DOCK1: variants seen among roughly 807,000 people sequenced by gnomAD.
DOCK1 encodes the protein dedicator of cytokinesis protein 1.
In DOCK1, 138 loss-of-function variants were observed where a neutral mutation model predicts 262.7. The observed-to-expected ratio is 0.53, with a 90% CI of 0.46 to 0.61. The LOEUF (loss-of-function observed/expected upper bound fraction) is 0.61, where lower values mean the gene tolerates loss of function less well. DOCK1 is among the 20% of genes least tolerant of loss of function. The pLI is 0.00. For synonymous variants in DOCK1, 866 were observed against 867.4 expected, an observed-to-expected ratio of 1.00 and a Z score of 0.03; for missense variants, 1,908 against 2,370.7, an observed-to-expected ratio of 0.80 and a Z score of 4.05.
At chr10:127,341,280 A>G (rs562043821) in intron 30 of DOCK1, among the ~76,000 whole-genome samples, 52 of 152,278 alleles carry the variant, frequency 3.4e-4, no homozygotes, top group African/African-American at 1.2e-3. Context: ...TTTCTGTGTT[A>G]TTATCCTAGA....
chr10:127,024,945 GT>G (rs2042722576), intron 15 of DOCK1, 162 bp downstream of exon 15: 1 of 568,136 alleles, frequency 1.8e-6, no homozygotes, highest in Non-Finnish European at 3.1e-6. Context: ...CCACACTGGT[GT>G]TTCTTAGAAT....
intron 19 of DOCK1, among the ~76,000 whole-genome samples, chr10:127,038,155 C>A (rs1027349408): frequency 6.6e-6 from 1 of 152,216 alleles, no homozygotes; most frequent in Admixed American, 6.5e-5. Context: ...ATTGCTTGAA[C>A]CCAGGAGGCG....
chr10:127,032,511 T>C (rs1421616989), intron 18 of DOCK1, among the ~76,000 whole-genome samples, 191 bp downstream of exon 18: 2 of 152,232 alleles, frequency 1.3e-5, no homozygotes, highest in Non-Finnish European at 2.9e-5. Context: ...TAATTTAAAA[T>C]TCACACTTCT....
intron 12 of DOCK1, chr10:127,016,638 CACACACACACACAT>C (rs146490064): frequency 0.41 from 60,318 of 145,964 alleles, 12,222 homozygotes; most frequent in South Asian, 0.48. Flanking sequence ...GGGACAGCTG[CACACACACACACAT>C]ACACACACAC....
intron 27 of DOCK1, among the ~76,000 whole-genome samples, chr10:127,226,696 A>G (rs2058654516): frequency 6.6e-6 from 1 of 152,146 alleles, no homozygotes; most frequent in Non-Finnish European, 1.5e-5. Context: ...GTGAGCCAAG[A>G]TCGTGCTACT....
At chr10:127,336,937 G>T (rs566688885) in intron 29 of DOCK1, among the ~76,000 whole-genome samples, 1 of 152,290 alleles carries the variant, frequency 6.6e-6, no homozygotes, top group African/African-American at 2.4e-5. Flanking sequence ...CTGTTTGGGT[G>T]CTATCTTGAG....
chr10:127,050,721 G>C (rs1300147663), intron 21 of DOCK1, among the ~76,000 whole-genome samples: 1 of 147,976 alleles, frequency 6.8e-6, no homozygotes, highest in African/African-American at 2.5e-5. Flanking sequence ...AAAAAAAAAA[G>C]TTTTATGCCC....
At chr10:127,224,932 G>T (rs2058581447) in intron 27 of DOCK1, among the ~76,000 whole-genome samples, 1 of 151,986 alleles carries the variant, frequency 6.6e-6, no homozygotes, top group Non-Finnish European at 1.5e-5. Context: ...AATGTTATCT[G>T]GGCTGCTAGA....
intron 33 of DOCK1, among the ~76,000 whole-genome samples, chr10:127,362,683 A>G (rs2064532850): frequency 6.6e-6 from 1 of 152,190 alleles, no homozygotes; most frequent in Non-Finnish European, 1.5e-5. Context: ...AAGAAAGTGT[A>G]TATAAAGTGC....
intron 2 of DOCK1, among the ~76,000 whole-genome samples, chr10:126,975,219 A>T (rs1436208373): frequency 6.6e-6 from 1 of 151,884 alleles, no homozygotes; most frequent in Admixed American, 6.6e-5. Context: ...TGCACATTTC[A>T]TGTTTTACTA....
intron 1 of DOCK1, among the ~76,000 whole-genome samples, chr10:126,909,734 G>T (rs1591279324): frequency 1.3e-5 from 2 of 152,298 alleles, no homozygotes; most frequent in South Asian, 2.1e-4. Context: ...GTGAGGACTC[G>T]CTGAGATGAT....
At chr10:127,002,057 C>A (rs1252411050) in intron 10 of DOCK1, among the ~76,000 whole-genome samples, 1 of 152,150 alleles carries the variant, frequency 6.6e-6, no homozygotes, top group South Asian at 2.1e-4. Context: ...TGAAAATTGC[C>A]CCTCTATTTG....
chr10:127,271,962 A>G (rs1334983129), intron 29 of DOCK1: 1 of 152,206 alleles, frequency 6.6e-6, no homozygotes, highest in Non-Finnish European at 1.5e-5. Flanking sequence ...ATGTTGTTCT[A>G]AATTTACCAC....
intron 1 of DOCK1, among the ~76,000 whole-genome samples, chr10:126,943,177 TG>T (rs1447579857): frequency 0.053 from 8,029 of 151,764 alleles, 264 homozygotes; most frequent in Middle Eastern, 0.15. Flanking sequence ...CATTTGAACG[TG>T]GGAGGCGGAG....
chr10:127,291,207 G>A (rs1204219009), intron 29 of DOCK1, among the ~76,000 whole-genome samples: 1 of 152,198 alleles, frequency 6.6e-6, no homozygotes, highest in African/African-American at 2.4e-5. Context: ...GGCTCACCGT[G>A]CTTAAGTGTC....
intron 27 of DOCK1, among the ~76,000 whole-genome samples, chr10:127,165,876 G>A (rs956501124): frequency 7.2e-5 from 11 of 152,110 alleles, no homozygotes; most frequent in African/African-American, 2.7e-4. Context: ...TTATTTATGG[G>A]ACCCTCTCAA....
chr10:127,411,347 T>C (rs954206110), intron 43 of DOCK1, among the ~76,000 whole-genome samples: 1 of 152,036 alleles, frequency 6.6e-6, no homozygotes, highest in African/African-American at 2.4e-5. Flanking sequence ...CGGGTGCTCA[T>C]TCCTCATTCA....
At chr10:127,103,261 A>T (rs1314182678) in intron 23 of DOCK1, among the ~76,000 whole-genome samples, 2 of 152,206 alleles carry the variant, frequency 1.3e-5, no homozygotes, top group Non-Finnish European at 2.9e-5. Context: ...TGTAACCGTC[A>T]TAGGTTTCCT....
At chr10:127,007,136 G>A (rs2041091697) in intron 10 of DOCK1, among the ~76,000 whole-genome samples, 2 of 152,092 alleles carry the variant, frequency 1.3e-5, no homozygotes, top group Non-Finnish European at 2.9e-5. Context: ...CAAGTTATTT[G>A]GGATTCTTTG....
Sources: gnomAD v4.1 joint callset for allele counts (sites outside exome capture counted in the v4.1 genomes callset) on GRCh38, gnomAD v4.1.1 for gene constraint, MANE v1.5 for transcripts, NCBI Gene and HGNC (gene_info 2026-07-23, HGNC 2026-07-21) for gene names.